CHID1: variants seen among roughly 807,000 people sequenced by gnomAD.
CHID1 encodes the protein chitinase domain containing 1.
Under a neutral mutation model 55.4 loss-of-function variants are expected in CHID1, and 44 were observed. That is an observed-to-expected ratio of 0.79 (90% CI 0.62 to 1.02). The LOEUF is 1.02. Among genes scored for constraint, CHID1 ranks in the 50% least tolerant of loss-of-function variants. CHID1 has a pLI of 0.00. For synonymous variants in CHID1, 216 were observed against 212.9 expected (o/e 1.01, Z -0.13); for missense variants, 491 against 515.3 (o/e 0.95, Z 0.46).
chr11:883,017 C>A (rs1565172069), intron 10 of CHID1, 131 bp downstream of exon 10: 1 of 1,034,610 alleles, frequency 9.7e-7, no homozygotes, highest in Non-Finnish European at 1.4e-6. Context: ...CCTGGCCCAG[C>A]CCCTATCTCT....
intron 10 of CHID1, among the ~76,000 whole-genome samples, chr11:881,679 A>G (rs1468028477): frequency 6.6e-6 from 1 of 151,212 alleles, no homozygotes; most frequent in Non-Finnish European, 1.5e-5. Context: ...CTCAGGATGG[A>G]TGGGATTAAT....
Position 902,972 on chromosome 11 carries a change from T to C in CHID1, c.251A>G (p.Tyr84Cys). ...DRHFAGDVLGYVTPWNSHGYD... is the reference protein window; with the variant it reads ...DRHFAGDVLGCVTPWNSHGYD... ...AGGGCCCCAACTTACTGGAGTGACA[T>C]AGCCCAGTACATCCCCAGCAAAGTG... The change falls in exon 3 of 13, where the codon TAT becomes TGT. Residue 84 changes from tyrosine (Y) to cysteine (C), a missense_variant. Physicochemically the swap from Tyr to Cys is radical, Grantham distance 194. Transcript: ENST00000323578. 1.2e-6 allele frequency: 2 copies of C among 1,613,896 alleles called. No individual in the cohort carries two copies. The highest frequency in any genetic ancestry group is 1.1e-5 in the South Asian group (1 of 91,082).
rs779066400 is a variant in CHID1 at position 903,032 on chromosome 11, T to C, written c.191A>G (p.His64Arg). ...GGCCTTTGCCGAGCAGTAGCTGCGA[T>C]GCTCAAGAACCACACTCTCAGCTTT... ...DLKAESVVLE[H>R]RSYCSAKARD... The change falls in exon 3 of 13, where the codon CAT becomes CGT. Residue 64 changes from histidine to arginine, a missense_variant. Transcript: ENST00000323578. The C allele has an allele frequency of 5.6e-6, 9 of 1,613,900 alleles. No homozygotes were observed. The highest frequency in any genetic ancestry group is 1.3e-5 in the African/African-American group (1 of 74,952).
At chr11:893,575 G>T in intron 7 of CHID1, 56 bp from the exon 8 acceptor site, 3 of 1,359,708 alleles carry the variant, frequency 2.2e-6, no homozygotes, top group Non-Finnish European at 3.0e-6. Flanking sequence ...CTCTCCCAGG[G>T]TTCTGTGACA....
upstream of CHID1, chr11:914,999 A>C (rs1458452388): frequency 1.7e-5 from 3 of 177,424 alleles, no homozygotes; most frequent in African/African-American, 7.2e-5. Flanking sequence ...TGTCACTCCT[A>C]GGCCTTGAAA....
intron 5 of CHID1, among the ~76,000 whole-genome samples, chr11:900,540 C>G (rs1055343654): frequency 1.3e-5 from 2 of 152,188 alleles, no homozygotes; most frequent in Non-Finnish European, 2.9e-5. Context: ...GACACATGTC[C>G]CCCCTTCCCC....
At chr11:894,231 AC>A (rs1851085812) in intron 7 of CHID1, among the ~76,000 whole-genome samples, 1 of 150,032 alleles carries the variant, frequency 6.7e-6, no homozygotes, top group African/African-American at 2.5e-5. Context: ...CAAGGGCCCC[AC>A]CTGCCTGGTG....
At chr11:907,245 G>A (rs2134368656) in intron 1 of CHID1, among the ~76,000 whole-genome samples, 1 of 152,290 alleles carries the variant, frequency 6.6e-6, no homozygotes. Context: ...ACTTTGGGAG[G>A]CCGAAGCGGG....
At chr11:914,945 G>T (rs1384403382), upstream of CHID1, 2 of 216,818 alleles carry the variant, frequency 9.2e-6, no homozygotes, top group Admixed American at 1.1e-4. Context: ...CTTGGCCTGG[G>T]TCACCCAAGG....
intron 10 of CHID1, chr11:882,940 G>C (rs781022386): frequency 1.8e-6 from 1 of 552,470 alleles, no homozygotes; most frequent in Non-Finnish European, 3.2e-6. Flanking sequence ...ACGCAGATGT[G>C]TGGCCGTGTT....
Position 869,862 on chromosome 11 carries a change from A to C in CHID1, c.1178T>G (p.Leu393Arg), listed in dbSNP as rs1849042638. The change falls in exon 13 of 13, where the codon CTC becomes CGC. Residue 393 changes from leucine to arginine, a missense_variant. Leu to Arg is a moderately radical substitution (Grantham distance 102). Transcript: ENST00000323578. Reference sequence around the variant, plus strand: ...CGCGGAGGCCGCAATGCCCACCTAGAGCAGGTCGTAGAAGTAGTCCAGGCC... The same window carrying C: ...CGCGGAGGCCGCAATGCCCACCTAGCGCAGGTCGTAGAAGTAGTCCAGGCC... Reference protein sequence around the residue: ...GQGLDYFYDLL With the variant: ...GQGLDYFYDLR 1.2e-6 allele frequency: 2 copies of C among 1,612,722 alleles called. No homozygotes were observed. The highest frequency in any genetic ancestry group is 1.7e-5 in the Admixed American group (1 of 60,000).
chr11:893,283 T>G (rs534970614), intron 8 of CHID1, 144 bp downstream of exon 8: 2 of 611,608 alleles, frequency 3.3e-6, no homozygotes, highest in African/African-American at 1.9e-5. Context: ...ACAGAGTGTG[T>G]GGCAGCTGAA....
At chr11:911,801 C>G (rs963408738), upstream of CHID1, among the ~76,000 whole-genome samples, 2 of 152,238 alleles carry the variant, frequency 1.3e-5, no homozygotes, top group Non-Finnish European at 2.9e-5. Flanking sequence ...CAGCTTAGCA[C>G]TCGCTCTCAG....
At chr11:886,456 A>C (rs1005931232) in intron 8 of CHID1, among the ~76,000 whole-genome samples, 1 of 152,174 alleles carries the variant, frequency 6.6e-6, no homozygotes, top group East Asian at 1.9e-4. Context: ...AAGACAATTG[A>C]TGAATCGGTC....
intron 1 of CHID1, among the ~76,000 whole-genome samples, chr11:909,479 G>A (rs1316809118): frequency 3.9e-5 from 6 of 152,230 alleles, no homozygotes; most frequent in Admixed American, 1.3e-4. Flanking sequence ...GTAGGTCCAG[G>A]ACCTCCTCGG....
In CHID1 at chr11:869,928, CGGGCCAGCTCCA is replaced by C; in HGVS notation, c.1100_1111del (p.Leu367_Ala370del). ...GATAGAGACCCCAACGCCCAGCTCC[CGGGCCAGCTCCA>C]GCCGCACCTGCAGGGACTGGGCACA... On this transcript the variant is annotated inframe_deletion, in exon 13 of 13. Transcript: ENST00000323578. The C allele has an allele frequency of 1.2e-6, 2 of 1,612,720 alleles. No homozygotes were observed. The highest frequency in any genetic ancestry group is 1.7e-6 in the Non-Finnish European group (2 of 1,179,886).
At chr11:874,415 A>G (rs1338178035) in intron 10 of CHID1, among the ~76,000 whole-genome samples, 1 of 152,198 alleles carries the variant, frequency 6.6e-6, no homozygotes, top group African/African-American at 2.4e-5. Flanking sequence ...GTGAGCTGAA[A>G]TCAAGCCACT....
intron 7 of CHID1, among the ~76,000 whole-genome samples, chr11:897,972 G>A (rs925892075): frequency 6.6e-6 from 1 of 152,168 alleles, no homozygotes; most frequent in Non-Finnish European, 1.5e-5. Context: ...CGGGGCCTGG[G>A]AGCAGTTCCG....
At chr11:903,190 T>A (rs926057859) in intron 2 of CHID1, 79 bp from the exon 3 acceptor site, 1 of 1,440,380 alleles carries the variant, frequency 6.9e-7, no homozygotes, top group Non-Finnish European at 9.5e-7. Flanking sequence ...AGCAAGTCCC[T>A]TCCATTCAGC....
Sources: gnomAD v4.1 joint callset for allele counts (sites outside exome capture counted in the v4.1 genomes callset) on GRCh38, gnomAD v4.1.1 for gene constraint, MANE v1.5 for transcripts, NCBI Gene and HGNC (gene_info 2026-07-23, HGNC 2026-07-21) for gene names.